Variants in TTLL5 observed in about 807,000 individuals in gnomAD.
The protein encoded by TTLL5 is tubulin tyrosine ligase like 5.
Under a neutral mutation model 168.4 loss-of-function variants are expected in TTLL5, and 132 were observed. That is an observed-to-expected ratio of 0.78 (90% CI 0.68 to 0.91). The LOEUF is 0.91. Among genes scored for constraint, TTLL5 ranks in the 40% least tolerant of loss-of-function variants. The probability of loss-of-function intolerance (pLI) is 0.00; values close to 1 mark genes in which losing one functional copy is unlikely to be tolerated. For missense variants in TTLL5, 1,545 were observed against 1,581.5 expected (o/e 0.98, Z 0.39); for synonymous variants, 546 against 558.6 (o/e 0.98, Z 0.32).
intron 28 of TTLL5, among the ~76,000 whole-genome samples, chr14:75,861,685 T>A (rs2030017977): frequency 6.6e-6 from 1 of 152,210 alleles, no homozygotes; most frequent in Non-Finnish European, 1.5e-5. Context: ...GAAAGTCTTA[T>A]GTTTCTTCTA....
chr14:75,864,847 A>G (rs2030376242), intron 29 of TTLL5, among the ~76,000 whole-genome samples: 1 of 152,214 alleles, frequency 6.6e-6, no homozygotes, highest in Non-Finnish European at 1.5e-5. Flanking sequence ...ATTTACTCAA[A>G]GACTAAAGCA....
In TTLL5 at chr14:75,820,030, T is replaced by G; in HGVS notation, c.3195T>G (p.Thr1065=). The stretch of plus-strand genomic sequence containing the variant: ...AGGTAACAAACCTGAATTTGGCAAC[T>G]GGCATCATAAACAGAAGCAGTGCTT... ...TQQVTNLNLA[T]GIINRSSASA... Residue 1065 remains threonine (T), a synonymous_variant, in exon 28 of 32, where the codon ACT becomes ACG. Coordinates refer to ENST00000298832, the MANE Select transcript of TTLL5 (RefSeq NM_015072.5). 6.2e-7 allele frequency: 1 copy of G among 1,603,626 alleles called. No homozygotes were observed. Among genetic ancestry groups the G allele is most frequent in the Non-Finnish European group, 8.5e-7 (1 of 1,175,904 alleles).
chr14:75,936,830 A>G (rs1376345847), intron 31 of TTLL5, among the ~76,000 whole-genome samples: 2 of 152,180 alleles, frequency 1.3e-5, no homozygotes, highest in Admixed American at 1.3e-4. Context: ...AGAAGTGGGG[A>G]GCAATTTCCC....
intron 6 of TTLL5, among the ~76,000 whole-genome samples, chr14:75,697,614 T>C (rs1314369432): frequency 6.6e-6 from 1 of 152,126 alleles, no homozygotes; most frequent in African/African-American, 2.4e-5. Flanking sequence ...AGGAGACAAG[T>C]AGTTGCTGGC....
At chr14:75,666,821 T>C (rs991329390) in intron 2 of TTLL5, among the ~76,000 whole-genome samples, 1 of 152,218 alleles carries the variant, frequency 6.6e-6, no homozygotes, top group African/African-American at 2.4e-5. Context: ...CATGAAATTA[T>C]TCCCGGAAAA....
intron 31 of TTLL5, among the ~76,000 whole-genome samples, chr14:75,946,793 G>A (rs536934149): frequency 1.3e-5 from 2 of 152,158 alleles, no homozygotes; most frequent in Admixed American, 6.5e-5. Flanking sequence ...GAATGGGGAG[G>A]TTCGCTATTC....
intron 26 of TTLL5, among the ~76,000 whole-genome samples, chr14:75,789,087 G>A (rs1892544829): frequency 6.6e-6 from 1 of 152,126 alleles, no homozygotes; most frequent in South Asian, 2.1e-4. Context: ...GGAAGAGAAG[G>A]AGATTCTCTT....
chr14:75,901,668 C>G (rs1400940122), intron 30 of TTLL5, among the ~76,000 whole-genome samples: 1 of 152,224 alleles, frequency 6.6e-6, no homozygotes, highest in Non-Finnish European at 1.5e-5. Context: ...TTGGGTGTCC[C>G]TGGTTGGCTC....
intron 30 of TTLL5, among the ~76,000 whole-genome samples, chr14:75,889,980 C>G (rs1044132405): frequency 6.6e-6 from 1 of 151,878 alleles, no homozygotes; most frequent in African/African-American, 2.4e-5. Flanking sequence ...AAGGTAAATT[C>G]ATAATCTTCA....
At chr14:75,862,175 G>T (rs2030069744) in intron 28 of TTLL5, among the ~76,000 whole-genome samples, 1 of 152,200 alleles carries the variant, frequency 6.6e-6, no homozygotes, top group Admixed American at 6.5e-5. Flanking sequence ...ATGTGCTGCA[G>T]CATATGTCAG....
intron 29 of TTLL5, among the ~76,000 whole-genome samples, chr14:75,881,598 A>G (rs972253386): frequency 6.6e-6 from 1 of 152,240 alleles, no homozygotes; most frequent in African/African-American, 2.4e-5. Flanking sequence ...TGTCTAGAAG[A>G]TGAATATTTC....
intron 17 of TTLL5, among the ~76,000 whole-genome samples, chr14:75,749,663 A>G (rs886664690): frequency 1.3e-5 from 2 of 152,182 alleles, no homozygotes; most frequent in African/African-American, 4.8e-5. Flanking sequence ...TTCCTAAATT[A>G]CCAATCACAT....
At chr14:75,827,868 C>T (rs2139794391) in intron 28 of TTLL5, among the ~76,000 whole-genome samples, 1 of 151,888 alleles carries the variant, frequency 6.6e-6, no homozygotes, top group Non-Finnish European at 1.5e-5. Context: ...CATGTGTGCA[C>T]CACCATGCCT....
At chr14:75,766,403 A>T in intron 20 of TTLL5, 35 bp downstream of exon 20, 1 of 1,548,778 alleles carries the variant, frequency 6.5e-7, no homozygotes, top group Non-Finnish European at 8.7e-7. Context: ...AGTAAAACTG[A>T]TAACAGCTAA....
chr14:75,718,078 C>T (rs1887589069), intron 10 of TTLL5, 116 bp downstream of exon 10: 4 of 828,542 alleles, frequency 4.8e-6, no homozygotes, highest in Non-Finnish European at 7.8e-6. Context: ...GTCCATGTAC[C>T]ATTTATGGAA....
rs759580322 is a variant in TTLL5, at chr14:75,954,470, C to G, written c.*24C>G. ...GAACCACAAACACACAGAGAAACAA[C>G]CTGTTCACCACTCCTGGGTGCATGA... On this transcript the variant is annotated 3_prime_UTR_variant, in exon 32 of 32. Coordinates refer to ENST00000298832, the MANE Select transcript of TTLL5 (RefSeq NM_015072.5). The G allele has an allele frequency of 6.2e-7, 1 of 1,613,416 alleles. No individual in the cohort carries two copies. The highest frequency in any genetic ancestry group is 1.3e-5 in the African/African-American group (1 of 74,976).
At chr14:75,878,210 G>C (rs745652191) in intron 29 of TTLL5, among the ~76,000 whole-genome samples, 1 of 152,160 alleles carries the variant, frequency 6.6e-6, no homozygotes, top group Non-Finnish European at 1.5e-5. Flanking sequence ...TATCAGTTAA[G>C]ATTCCGTTTG....
chr14:75,817,608 T>C (rs557953255), intron 27 of TTLL5, among the ~76,000 whole-genome samples: 1 of 152,216 alleles, frequency 6.6e-6, no homozygotes, highest in South Asian at 2.1e-4. Flanking sequence ...AAATCATAAT[T>C]CTCTCATTTG....
chr14:75,904,355 C>T, intron 31 of TTLL5: 1 of 750,202 alleles, frequency 1.3e-6, no homozygotes, highest in Non-Finnish European at 1.7e-6. Context: ...CTGTGAGATA[C>T]CCTATGAGAA....
Sources: gnomAD v4.1 joint callset for allele counts (sites outside exome capture counted in the v4.1 genomes callset) on GRCh38, gnomAD v4.1.1 for gene constraint, MANE v1.5 for transcripts, NCBI Gene and HGNC (gene_info 2026-07-23, HGNC 2026-07-21) for gene names.